Variants in RAPGEF4 observed in about 807,000 individuals in gnomAD.
The protein encoded by RAPGEF4 is Rap guanine nucleotide exchange factor 4, also known as RAP guanine-nucleotide-exchange factor (GEF) 4.
In RAPGEF4, 66 loss-of-function variants were observed where a neutral mutation model predicts 147.9. The observed-to-expected ratio is 0.45, with a 90% CI of 0.37 to 0.55. The LOEUF (loss-of-function observed/expected upper bound fraction) is 0.55. Among genes scored for constraint, RAPGEF4 ranks in the 20% least tolerant of loss-of-function variants. The probability of loss-of-function intolerance (pLI) is 0.00; values close to 1 mark genes in which losing one functional copy is unlikely to be tolerated. For missense variants in RAPGEF4, 1,071 were observed against 1,257.3 expected (o/e 0.85, Z 2.24); for synonymous variants, 419 against 442.7 (o/e 0.95, Z 0.67).
chr2:172,967,617 G>C (rs1194896409), intron 10 of RAPGEF4, among the ~76,000 whole-genome samples, 173 bp downstream of exon 10: 1 of 152,202 alleles, frequency 6.6e-6, no homozygotes, highest in Non-Finnish European at 1.5e-5. Flanking sequence ...TTTAATTTTT[G>C]TGTTTGATCC....
intron 6 of RAPGEF4, among the ~76,000 whole-genome samples, chr2:172,942,421 C>T (rs2105335732): frequency 6.6e-6 from 1 of 151,804 alleles, no homozygotes; most frequent in South Asian, 2.1e-4. Flanking sequence ...TTTTGCTGCT[C>T]CCCTTTTCCT....
In RAPGEF4 at chr2:173,005,520, G is replaced by GTTTTTTTTTTTTTTTTTTTTT. The variant is rs573596077; in HGVS notation, c.1658+4177_1658+4197dup. 6.9e-5 allele frequency among the ~76,000 whole-genome samples: 6 copies of GTTTTTTTTTTTTTTTTTTTTT among 86,736 alleles called. 1 individual carries two copies. Among genetic ancestry groups the GTTTTTTTTTTTTTTTTTTTTT allele is most frequent in the Non-Finnish European group, 6.3e-5 (3 of 47,732 alleles). The allele number at this position is 86,736 out of a possible 152,430, so 56.9% of individuals were successfully genotyped here. A position where few individuals can be genotyped will look rare whatever the true frequency, so the allele number is the denominator to read the frequency against. On this transcript the variant is annotated intron_variant, in intron 17 of 30. Transcript: ENST00000397081. ...TTTGTTGTTGTTGTTGTTGTTTTGT[G>GTTTTTTTTTTTTTTTTTTTTT]TTTTTTTTTTTTTTTTTTTTTGAGA...
At chr2:172,829,964 C>A (rs1204482710) in intron 4 of RAPGEF4, among the ~76,000 whole-genome samples, 1 of 151,542 alleles carries the variant, frequency 6.6e-6, no homozygotes, top group Non-Finnish European at 1.5e-5. Flanking sequence ...TTTTATATTC[C>A]ATATATATTC....
At chr2:172,874,669 C>G (rs1345219540) in intron 4 of RAPGEF4, among the ~76,000 whole-genome samples, 1 of 152,076 alleles carries the variant, frequency 6.6e-6, no homozygotes, top group Non-Finnish European at 1.5e-5. Context: ...TGGGTTGGTT[C>G]CAGGTCTTTG....
chr2:172,995,812 TA>T (rs1693297908), intron 15 of RAPGEF4, among the ~76,000 whole-genome samples: 1 of 152,224 alleles, frequency 6.6e-6, no homozygotes, highest in African/African-American at 2.4e-5. Context: ...ATGTCTAATA[TA>T]ACCCCCAGTA....
intron 4 of RAPGEF4, among the ~76,000 whole-genome samples, chr2:172,889,447 A>G (rs1448811494): frequency 1.3e-5 from 2 of 152,158 alleles, no homozygotes; most frequent in African/African-American, 2.4e-5. Context: ...TGCTAGAAAC[A>G]TGGGCAGCAT....
At chr2:172,796,849 A>C (rs570436187) in intron 2 of RAPGEF4, among the ~76,000 whole-genome samples, 1 of 152,308 alleles carries the variant, frequency 6.6e-6, no homozygotes, top group Non-Finnish European at 1.5e-5. Context: ...CTAGTTATTT[A>C]GTTAGGATAT....
At chr2:173,011,114 T>C (rs3820842) in intron 17 of RAPGEF4, among the ~76,000 whole-genome samples, 6,569 of 150,680 alleles carry the variant, frequency 0.044, 206 homozygotes, top group East Asian at 0.074. Context: ...TGCTCAGCCC[T>C]GGTGACTAAA....
Position 172,922,195 on chromosome 2 carries a change from T to C in RAPGEF4, c.518-86T>C. On this transcript the variant is annotated intron_variant, in intron 5 of 30. Transcript: ENST00000397081. ...AAATTGAAAACACTGAAATTTTACT[T>C]GGTTTGGTTCAGCAAAATTTCAATT... 7.8e-6 allele frequency: 10 copies of C among 1,275,580 alleles called. No individual in the cohort carries two copies. In the South Asian group the frequency reaches 1.2e-4, roughly 16 times the overall value. The allele number at this position is 1,275,580 out of a possible 1,614,324, so 79.0% of individuals were successfully genotyped here.
intron 4 of RAPGEF4, among the ~76,000 whole-genome samples, chr2:172,828,271 C>T (rs938176200): frequency 1.3e-5 from 2 of 152,122 alleles, no homozygotes; most frequent in Non-Finnish European, 2.9e-5. Flanking sequence ...CCATGGGCGT[C>T]GCATTCGTAA....
At chr2:173,003,740 C>T (rs1481539169) in intron 17 of RAPGEF4, among the ~76,000 whole-genome samples, 4 of 150,988 alleles carry the variant, frequency 2.6e-5, no homozygotes, top group African/African-American at 9.8e-5. Context: ...TATTTGAAAG[C>T]TTGTTTAAAT....
chr2:172,995,245 TTGTGTGTGTGTGTGTGTGTG>T (rs71018528), intron 15 of RAPGEF4, among the ~76,000 whole-genome samples: 7 of 138,688 alleles, frequency 5.0e-5, no homozygotes, highest in East Asian at 2.2e-4. Flanking sequence ...ACTTGCCTGT[TTGTGTGTGTGTGTGTGTGTG>T]TGTGTGTGTG....
At chr2:173,049,512 G>A (rs375219233) in intron 30 of RAPGEF4, among the ~76,000 whole-genome samples, 1 of 152,160 alleles carries the variant, frequency 6.6e-6, no homozygotes, top group African/African-American at 2.4e-5. Flanking sequence ...TACCAGTACC[G>A]TCTCCTCCAA....
intron 6 of RAPGEF4, among the ~76,000 whole-genome samples, chr2:172,933,708 T>G (rs1686225506): frequency 6.6e-6 from 1 of 152,216 alleles, no homozygotes; most frequent in Non-Finnish European, 1.5e-5. Flanking sequence ...TGTTATATAT[T>G]TAAGATCATT....
At chr2:172,924,448 C>G (rs186611281) in intron 6 of RAPGEF4, among the ~76,000 whole-genome samples, 1 of 152,204 alleles carries the variant, frequency 6.6e-6, no homozygotes, top group African/African-American at 2.4e-5. Context: ...CAGGCCATCT[C>G]CCTAATACTA....
At chr2:172,910,935 A>G (rs1048220285) in intron 4 of RAPGEF4, among the ~76,000 whole-genome samples, 2 of 152,208 alleles carry the variant, frequency 1.3e-5, no homozygotes, top group African/African-American at 4.8e-5. Flanking sequence ...GATGGTCCCT[A>G]TTGATGAAGG....
chr2:172,953,064 G>A (rs1688371289), intron 6 of RAPGEF4, among the ~76,000 whole-genome samples: 1 of 151,984 alleles, frequency 6.6e-6, no homozygotes, highest in Admixed American at 6.6e-5. Context: ...GACTCACCAT[G>A]CAGTCTTCTG....
In RAPGEF4 at chr2:172,926,870, C is replaced by T. The variant is rs577544216; in HGVS notation, c.537+4570C>T. Among the ~76,000 whole-genome samples the T allele has an allele frequency of 2.0e-5, 3 of 152,144 alleles. No individual in the cohort carries two copies. In the South Asian group the frequency reaches 6.2e-4, roughly 32 times the overall value. Reference sequence around the variant, plus strand: ...CAAGTGTGAGCTACCGCGCCCAGCCCGAGGTCCTCATTTTTTAGGCAGTTA... The same window carrying T: ...CAAGTGTGAGCTACCGCGCCCAGCCTGAGGTCCTCATTTTTTAGGCAGTTA... On this transcript the variant is annotated intron_variant, in intron 6 of 30. Transcript: ENST00000397081.
At chr2:172,981,144 C>T (rs1199925350) in intron 10 of RAPGEF4, among the ~76,000 whole-genome samples, 1 of 152,162 alleles carries the variant, frequency 6.6e-6, no homozygotes, top group Non-Finnish European at 1.5e-5. Context: ...TAACAGCCCA[C>T]CCCATGGAGG....
Sources: gnomAD v4.1 joint callset for allele counts (sites outside exome capture counted in the v4.1 genomes callset) on GRCh38, gnomAD v4.1.1 for gene constraint, MANE v1.5 for transcripts, NCBI Gene and HGNC (gene_info 2026-07-23, HGNC 2026-07-21) for gene names.